Variants in CEP83 observed in about 807,000 individuals in gnomAD.
The protein encoded by CEP83 is centrosomal protein of 83 kDa.
A neutral mutation model predicts 101.9 loss-of-function variants in CEP83; 70 were observed. The observed-to-expected ratio is 0.69, with a 90% CI of 0.57 to 0.84. The LOEUF (loss-of-function observed/expected upper bound fraction) is 0.84. Ranked by LOEUF, CEP83 falls within the 40% of genes least tolerant of loss-of-function variation. CEP83 has a pLI of 0.00. For synonymous variants in CEP83, 264 were observed against 267.9 expected (o/e 0.99, Z 0.14); for missense variants, 715 against 787.2 (o/e 0.91, Z 1.10).
At chr12:94,346,819 A>C (rs2059954431) in intron 11 of CEP83, among the ~76,000 whole-genome samples, 1 of 152,138 alleles carries the variant, frequency 6.6e-6, no homozygotes, top group Non-Finnish European at 1.5e-5. Flanking sequence ...ACAGGAAAAA[A>C]CACCACTCAG....
chr12:94,342,541 G>A (rs7973302), intron 11 of CEP83, among the ~76,000 whole-genome samples: 15,084 of 152,024 alleles, frequency 0.099, 870 homozygotes, highest in Admixed American at 0.15. Flanking sequence ...TCCCATTCCC[G>A]CCTGCACATC....
intron 9 of CEP83, 158 bp from the exon 10 acceptor site, chr12:94,368,359 C>T: frequency 1.7e-6 from 1 of 588,740 alleles, no homozygotes; most frequent in Non-Finnish European, 2.9e-6. Context: ...AATAAACACT[C>T]TTAAAATAAG....
intron 2 of CEP83, among the ~76,000 whole-genome samples, chr12:94,426,158 T>G (rs1206166613): frequency 2.0e-5 from 3 of 152,016 alleles, no homozygotes; most frequent in African/African-American, 4.8e-5. Context: ...AATCTAAAAT[T>G]TGTCTCATTG....
chr12:94,346,652 G>T (rs534718811), intron 11 of CEP83, among the ~76,000 whole-genome samples: 1 of 152,242 alleles, frequency 6.6e-6, no homozygotes, highest in African/African-American at 2.4e-5. Context: ...CCTTCAACCC[G>T]CAGGATCTGA....
At chr12:94,434,831 G>A (rs767220149) in intron 2 of CEP83, among the ~76,000 whole-genome samples, 54 of 152,234 alleles carry the variant, frequency 3.5e-4, no homozygotes, top group Middle Eastern at 3.4e-3. Flanking sequence ...AATAAACTGC[G>A]TGTTGTATGC....
chr12:94,296,474 A>G, the CEP83 span, among the ~76,000 whole-genome samples: 2 of 152,124 alleles, frequency 1.3e-5, no homozygotes, highest in Non-Finnish European at 2.9e-5. Flanking sequence ...CTTTAAAACA[A>G]ACAAACCAAA....
intron 2 of CEP83, among the ~76,000 whole-genome samples, chr12:94,431,814 A>T: frequency 6.6e-6 from 1 of 152,190 alleles, no homozygotes; most frequent in Middle Eastern, 3.2e-3. Flanking sequence ...AGAAAAAGGG[A>T]ACTCTTATAT....
At chr12:94,380,267 C>T (rs1222552365) in intron 6 of CEP83, among the ~76,000 whole-genome samples, 2 of 152,106 alleles carry the variant, frequency 1.3e-5, no homozygotes, top group East Asian at 3.9e-4. Context: ...TACATGCACT[C>T]TAACAACCTT....
chr12:94,439,542 A>C (rs2066241724), intron 1 of CEP83, among the ~76,000 whole-genome samples: 1 of 151,282 alleles, frequency 6.6e-6, no homozygotes, highest in Admixed American at 6.6e-5. Flanking sequence ...AGTAATAAAC[A>C]AAAAAAATGC....
the CEP83 span, among the ~76,000 whole-genome samples, chr12:94,274,176 A>AAG: frequency 4.7e-5 from 7 of 149,676 alleles, no homozygotes; most frequent in African/African-American, 1.7e-4. Context: ...AAAAAAAAAA[A>AAG]AAAAAAAAAA....
rs752114061 is a variant in CEP83 at position 94,312,964 on chromosome 12, G to T, written c.1761C>A (p.Val587=). Residue 587 remains valine (V), a synonymous_variant, in exon 15 of 17, where the codon GTC becomes GTA. Transcript: ENST00000397809. The stretch of plus-strand genomic sequence containing the variant: ...CCAATTCTTCTTTCTTTGCCTCCAA[G>T]ACTTCTACTTTCTCTTGTAGTCTTT... ...KLKRLQEKVE[V]LEAKKEELET... The T allele has an allele frequency of 6.3e-7, 1 of 1,592,982 alleles. No individual in the cohort carries two copies. The highest frequency in any genetic ancestry group is 1.3e-5 in the African/African-American group (1 of 74,266).
rs1464832161 is a variant in CEP83 at position 94,412,336 on chromosome 12, A to G, written c.155T>C (p.Leu52Pro). Reference protein sequence around the residue: ...CEHHKANYQTLKAEHTRLQNE... With the variant: ...CEHHKANYQTPKAEHTRLQNE... ...AATTTACCTTGTGTGTTCAGCCTTC[A>G]GTGTCTGATAATTAGCTTTATGATG... The change falls in exon 3 of 17, where the codon CTG (leucine) becomes CCG (proline). Residue 52 changes from leucine to proline, a missense_variant. Coordinates refer to ENST00000397809, the MANE Select transcript of CEP83 (RefSeq NM_016122.3). 3 of 1,608,164 alleles carry G rather than the reference A, an allele frequency of 1.9e-6. No individual in the cohort carries two copies. The highest frequency in any genetic ancestry group is 1.1e-5 in the South Asian group (1 of 89,606).
chr12:94,348,107 C>CA (rs200270946), intron 11 of CEP83, among the ~76,000 whole-genome samples: 109 of 149,256 alleles, frequency 7.3e-4, no homozygotes, highest in Middle Eastern at 3.4e-3. Context: ...TATTTTACCA[C>CA]AAAAAAAATA....
chr12:94,456,940 T>C (rs578056487), intron 1 of CEP83, among the ~76,000 whole-genome samples: 1 of 152,300 alleles, frequency 6.6e-6, no homozygotes, highest in East Asian at 1.9e-4. Flanking sequence ...GCTAAAATAA[T>C]ACAATAAAAA....
At chr12:94,389,162 T>A (rs567596130) in intron 6 of CEP83, among the ~76,000 whole-genome samples, 2 of 152,146 alleles carry the variant, frequency 1.3e-5, no homozygotes, top group Non-Finnish European at 2.9e-5. Context: ...GAAATAAATA[T>A]GTAATAATCT....
At chr12:94,440,455 TAA>T (rs1355926596) in intron 1 of CEP83, among the ~76,000 whole-genome samples, 2 of 147,512 alleles carry the variant, frequency 1.4e-5, no homozygotes, top group East Asian at 4.0e-4. Flanking sequence ...AAAAATAAAA[TAA>T]AATACTTAGG....
chr12:94,302,180 GT>G (rs777610843), downstream of CEP83, among the ~76,000 whole-genome samples: 27 of 152,274 alleles, frequency 1.8e-4, no homozygotes, highest in South Asian at 6.2e-4. Context: ...GTGCCACATA[GT>G]GCTTCCTGAT....
intron 4 of CEP83, among the ~76,000 whole-genome samples, chr12:94,404,847 C>G (rs2063448186): frequency 6.6e-6 from 1 of 152,170 alleles, no homozygotes; most frequent in Non-Finnish European, 1.5e-5. Flanking sequence ...AAACAATCTA[C>G]AGATACACAA....
intron 6 of CEP83, among the ~76,000 whole-genome samples, chr12:94,399,418 A>G (rs543354331): frequency 6.6e-6 from 1 of 152,322 alleles, no homozygotes; most frequent in African/African-American, 2.4e-5. Context: ...TTTAAAATGA[A>G]GAAAATAAGG....
Sources: allele counts gnomAD v4.1 joint callset (sites outside exome capture counted in the v4.1 genomes callset), GRCh38; gene constraint gnomAD v4.1.1; transcripts MANE v1.5; gene names NCBI Gene and HGNC (gene_info 2026-07-23, HGNC 2026-07-21).